Variants in HECW1 observed in about 807,000 individuals in gnomAD.
The protein encoded by HECW1 is E3 ubiquitin-protein ligase HECW1.
A neutral mutation model predicts 182.3 loss-of-function variants in HECW1; 61 were observed. The observed-to-expected ratio is 0.33, with a 90% CI of 0.27 to 0.41. The LOEUF is 0.41. Ranked by LOEUF, HECW1 falls within the 10% of genes least tolerant of loss-of-function variation. The probability of loss-of-function intolerance (pLI) is 1.00; values close to 1 mark genes in which losing one functional copy is unlikely to be tolerated. For synonymous variants in HECW1, 859 were observed against 832.6 expected, an observed-to-expected ratio of 1.03 and a Z score of -0.55; for missense variants, 1,739 against 2,108.9, an observed-to-expected ratio of 0.82 and a Z score of 3.44.
At position 43,162,241 on chromosome 7, in the gene HECW1, A is replaced by G. The variant is rs116480289; in HGVS notation, c.-32+47850A>G. Among the ~76,000 whole-genome samples, 1,502 of 152,360 alleles carry G rather than the reference A, an allele frequency of 9.9e-3. 29 individuals are homozygous for G. Among genetic ancestry groups the G allele is most frequent in the African/African-American group, 0.034 (1,403 of 41,584 alleles). On this transcript the variant is annotated intron_variant, in intron 2 of 29. Transcript: ENST00000395891. Reference sequence around the variant, plus strand: ...TTTCCTTGGGCTGCCGTAACAAATTACGACAAACTTGTGGCTTAAAACAAT... The same window carrying G: ...TTTCCTTGGGCTGCCGTAACAAATTGCGACAAACTTGTGGCTTAAAACAAT...
intron 5 of HECW1, among the ~76,000 whole-genome samples, chr7:43,336,143 TTTCTCTCTCTCTCTC>T (rs1812210455): frequency 3.8e-5 from 2 of 52,298 alleles, no homozygotes; most frequent in Admixed American, 2.2e-4. Flanking sequence ...TCTCTCTCTC[TTTCTCTCTCTCTCTC>T]TCTCTCTCTC....
At chr7:43,361,791 T>C (rs1486830369) in intron 6 of HECW1, among the ~76,000 whole-genome samples, 1 of 148,146 alleles carries the variant, frequency 6.8e-6, no homozygotes, top group Non-Finnish European at 1.5e-5. Flanking sequence ...TTTGTCATGC[T>C]AGTGGAAATA....
At chr7:43,507,316 C>A in intron 22 of HECW1, 59 bp downstream of exon 22, 1 of 1,533,012 alleles carries the variant, frequency 6.5e-7, no homozygotes, top group Non-Finnish European at 8.9e-7. Flanking sequence ...TCCCTTTCTC[C>A]CCTACACCCT....
At position 43,444,113 on chromosome 7, in the gene HECW1, C is replaced by G; in HGVS notation, c.1046-105C>G. 1.7e-6 allele frequency: 2 copies of G among 1,149,260 alleles called. No homozygotes were observed. Among genetic ancestry groups the G allele is most frequent in the Non-Finnish European group, 2.4e-6 (2 of 818,108 alleles). 71.2% of individuals were successfully genotyped at this position (1,149,260 alleles called of 1,614,324 possible). On this transcript the variant is annotated intron_variant, in intron 10 of 29. Transcript: ENST00000395891. This position sits in a 1 kb window ranked among gnomAD's most constrained non-coding sequence, Gnocchi z 4.3. ...CCCTCATCAACCTACATTCAATATC[C>G]TAATGTAGAAATCCCTTAGTGATGG...
At chr7:43,293,248 A>G (rs992273913) in intron 3 of HECW1, among the ~76,000 whole-genome samples, 2 of 145,908 alleles carry the variant, frequency 1.4e-5, no homozygotes, top group African/African-American at 5.6e-5. Context: ...AAAAGAAAAG[A>G]AAAAAAAGAA....
At chr7:43,517,451 G>C (rs1289461809) in intron 24 of HECW1, among the ~76,000 whole-genome samples, 2 of 151,982 alleles carry the variant, frequency 1.3e-5, no homozygotes, top group Non-Finnish European at 2.9e-5. Flanking sequence ...GAGGAGGGAA[G>C]CTCTTTTGTG....
At chr7:43,242,521 A>G (rs1322846713) in intron 2 of HECW1, among the ~76,000 whole-genome samples, 1 of 152,194 alleles carries the variant, frequency 6.6e-6, no homozygotes, top group South Asian at 2.1e-4. Flanking sequence ...GGGCATAGGA[A>G]TAAAGATCCT....
intron 5 of HECW1, among the ~76,000 whole-genome samples, chr7:43,346,691 G>A: frequency 6.6e-6 from 1 of 152,112 alleles, no homozygotes; most frequent in East Asian, 1.9e-4. Context: ...TGAGGATCCA[G>A]TTTCATTCTC....
At chr7:43,221,781 G>T (rs1035629411) in intron 2 of HECW1, among the ~76,000 whole-genome samples, 2 of 150,326 alleles carry the variant, frequency 1.3e-5, no homozygotes, top group East Asian at 3.9e-4. Flanking sequence ...TGTCGATCTC[G>T]CAATCTGCCT....
At chr7:43,144,098 C>T (rs919058699) in intron 2 of HECW1, among the ~76,000 whole-genome samples, 6 of 152,136 alleles carry the variant, frequency 3.9e-5, no homozygotes, top group Admixed American at 6.6e-5. Context: ...CACCTGTTGG[C>T]TGTAAGAGTT....
intron 2 of HECW1, among the ~76,000 whole-genome samples, chr7:43,174,932 A>G (rs1336622547): frequency 2.0e-5 from 3 of 152,164 alleles, no homozygotes; most frequent in African/African-American, 7.2e-5. Context: ...TTATTATATA[A>G]TATTTGAACA....
At chr7:43,287,771 G>A (rs888976221) in intron 3 of HECW1, among the ~76,000 whole-genome samples, 1 of 152,218 alleles carries the variant, frequency 6.6e-6, no homozygotes, top group African/African-American at 2.4e-5. Context: ...GGGAGACTGA[G>A]AAGTGGTCAG....
rs2077016401 is a variant in HECW1 at position 43,445,307 on chromosome 7, G to A, written c.2135G>A (p.Arg712Lys). The A allele has an allele frequency of 1.9e-5, 30 of 1,613,492 alleles. No homozygotes were observed. The highest frequency in any genetic ancestry group is 2.5e-5 in the Non-Finnish European group (30 of 1,180,030). The change falls in exon 11 of 30, where the codon AGG (arginine) becomes AAG (lysine). Residue 712 changes from arginine (R) to lysine (K), a missense_variant. Arg to Lys is a conservative substitution (Grantham distance 26). Transcript: ENST00000395891. ...AGCCCCTCCTGCTACAACGGCAACAGGTTCGCCAGCCACACGCGCTTCTCC... is the reference window on the plus strand; with the variant it reads ...AGCCCCTCCTGCTACAACGGCAACAAGTTCGCCAGCCACACGCGCTTCTCC... ...CYSPSCYNGN[R>K]FASHTRFSSV...
Position 43,202,088 on chromosome 7 carries a change from T to C in HECW1, c.-31-41787T>C, listed in dbSNP as rs146871324. Among the ~76,000 whole-genome samples, 30 of 152,338 alleles carry C rather than the reference T, an allele frequency of 2.0e-4. No homozygotes were observed. In the East Asian group the frequency reaches 4.0e-3, roughly 21 times the overall value. Reference sequence around the variant, plus strand: ...CAGATACTTATGATGCTCCACTTACTCATTTAACCCTCAGAGTAACCCTAT... The same window carrying C: ...CAGATACTTATGATGCTCCACTTACCCATTTAACCCTCAGAGTAACCCTAT... On this transcript the variant is annotated intron_variant, in intron 2 of 29. Coordinates refer to ENST00000395891, the MANE Select transcript of HECW1 (RefSeq NM_015052.5).
intron 2 of HECW1, among the ~76,000 whole-genome samples, chr7:43,173,527 G>T (rs1033063152): frequency 6.6e-6 from 1 of 152,154 alleles, no homozygotes; most frequent in Non-Finnish European, 1.5e-5. Context: ...GTTGGTTTGG[G>T]GATGAAACTG....
At chr7:43,342,582 C>G (rs1220558200) in intron 5 of HECW1, among the ~76,000 whole-genome samples, 1 of 151,834 alleles carries the variant, frequency 6.6e-6, no homozygotes, top group Non-Finnish European at 1.5e-5. Context: ...CTTTCCATTC[C>G]TCCTTCTAGA....
chr7:43,513,034 T>C (rs1312168837), intron 24 of HECW1, among the ~76,000 whole-genome samples: 1 of 152,210 alleles, frequency 6.6e-6, no homozygotes, highest in East Asian at 1.9e-4. Flanking sequence ...TTTTGTCTTA[T>C]TTCACTCTAG....
chr7:43,312,829 G>T (rs1808695456), intron 4 of HECW1, among the ~76,000 whole-genome samples: 1 of 152,326 alleles, frequency 6.6e-6, no homozygotes, highest in African/African-American at 2.4e-5. Context: ...TATTTTATGT[G>T]ATAGAATCAG....
In HECW1 at chr7:43,562,396, T is replaced by G; in HGVS notation, c.*470T>G. 1.3e-5 allele frequency: 3 copies of G among 229,494 alleles called. No individual in the cohort carries two copies. The highest frequency in any genetic ancestry group is 2.6e-5 in the Non-Finnish European group (3 of 115,696). The allele number at this position is 229,494 out of a possible 1,614,324, so 14.2% of individuals were successfully genotyped here. A position where few individuals can be genotyped will look rare whatever the true frequency, so the allele number is the denominator to read the frequency against. On this transcript the variant is annotated 3_prime_UTR_variant, in exon 30 of 30. Coordinates refer to ENST00000395891, the MANE Select transcript of HECW1 (RefSeq NM_015052.5). The stretch of plus-strand genomic sequence containing the variant: ...AATAACCAACTCCAGAACTAGGAGC[T>G]GATCAACTCTTTGTTTTCCTCTCCA...
Sources: gnomAD v4.1 joint callset for allele counts (sites outside exome capture counted in the v4.1 genomes callset) on GRCh38, gnomAD v4.1.1 for gene constraint, Gnocchi (gnomAD v3.1) non-coding constraint, MANE v1.5 for transcripts, NCBI Gene and HGNC (gene_info 2026-07-23, HGNC 2026-07-21) for gene names.